Variants in PTPN2 observed in about 807,000 individuals in gnomAD.
PTPN2 encodes the protein protein tyrosine phosphatase non-receptor type 2.
A neutral mutation model predicts 57.3 loss-of-function variants in PTPN2; 19 were observed. That is an observed-to-expected ratio of 0.33 (90% confidence interval 0.23 to 0.49). The LOEUF (loss-of-function observed/expected upper bound fraction) is 0.49, where lower values mean the gene tolerates loss of function less well. Among genes scored for constraint, PTPN2 ranks in the 20% least tolerant of loss-of-function variants. The probability of loss-of-function intolerance (pLI) is 0.99; values close to 1 mark genes in which losing one functional copy is unlikely to be tolerated. For missense variants in PTPN2, 358 were observed against 501.1 expected (o/e 0.71, Z 2.73); for synonymous variants, 153 against 164.9 (o/e 0.93, Z 0.55).
intron 1 of PTPN2, among the ~76,000 whole-genome samples, chr18:12,865,804 C>A (rs1474821944): frequency 1.3e-5 from 2 of 151,240 alleles, no homozygotes; most frequent in Non-Finnish European, 3.0e-5. Context: ...TCCAGCCCCA[C>A]CCCACTCCCA....
intron 2 of PTPN2, among the ~76,000 whole-genome samples, chr18:12,840,199 A>C (rs2042996847): frequency 1.3e-5 from 2 of 152,208 alleles, no homozygotes; most frequent in South Asian, 2.1e-4. Context: ...TTCTCAACTA[A>C]GGGTAATCAG....
chr18:12,829,807 A>C (rs991348211), intron 4 of PTPN2, among the ~76,000 whole-genome samples: 5 of 152,326 alleles, frequency 3.3e-5, no homozygotes, highest in South Asian at 2.1e-4. Context: ...TGAATTAAGA[A>C]GCTGAACACT....
chr18:12,870,462 TAGAGAGAG>T (rs762120431), intron 1 of PTPN2, among the ~76,000 whole-genome samples: 26 of 17,698 alleles, frequency 1.5e-3, no homozygotes, highest in African/African-American at 8.8e-3. Context: ...TATATATATA[TAGAGAGAG>T]AGAGAGAGAG....
intron 5 of PTPN2, among the ~76,000 whole-genome samples, chr18:12,820,481 A>G (rs2042232833): frequency 6.6e-6 from 1 of 152,180 alleles, no homozygotes; most frequent in Admixed American, 6.5e-5. Context: ...AGGAAAAAAA[A>G]TGAGAGGGGA....
intron 1 of PTPN2, chr18:12,880,775 T>C (rs2044643189): frequency 6.6e-6 from 1 of 152,246 alleles, no homozygotes; most frequent in Admixed American, 6.5e-5. Flanking sequence ...AAACGCTCTG[T>C]ATCTTCCCTA....
chr18:12,881,440 A>G (rs180864832), intron 1 of PTPN2, among the ~76,000 whole-genome samples: 36 of 152,282 alleles, frequency 2.4e-4, no homozygotes, highest in Non-Finnish European at 5.9e-5. Flanking sequence ...CTGTCAAAAA[A>G]AAAAGAAGCA....
chr18:12,822,229 G>T lies in PTPN2; in HGVS notation c.495+3581C>A, dbSNP rs570181851. Among the ~76,000 whole-genome samples the T allele has an allele frequency of 1.9e-4, 29 of 152,192 alleles. No homozygotes were observed. The South Asian group carries it at 2.7e-3, about 14-fold the overall frequency. ...TTAAACTATTTTGAACCAAATCCCA[G>T]CTAAGCATCATAATAATTAGAGACT... On this transcript the variant is annotated intron_variant, in intron 5 of 8. Coordinates refer to ENST00000309660, the MANE Select transcript of PTPN2 (RefSeq NM_002828.4).
intron 1 of PTPN2, among the ~76,000 whole-genome samples, chr18:12,882,012 A>T (rs1380718442): frequency 1.3e-5 from 2 of 152,180 alleles, no homozygotes; most frequent in African/African-American, 4.8e-5. Context: ...GAGCACCTCG[A>T]GGGTAGGAAA....
At chr18:12,848,977 A>C (rs28876433) in intron 2 of PTPN2, among the ~76,000 whole-genome samples, 57 of 152,320 alleles carry the variant, frequency 3.7e-4, no homozygotes, top group African/African-American at 1.4e-3. Flanking sequence ...TACTGTACTA[A>C]CTAGGACCTA....
chr18:12,846,865 A>G (rs1477358839), intron 2 of PTPN2, among the ~76,000 whole-genome samples: 1 of 152,164 alleles, frequency 6.6e-6, no homozygotes, highest in Non-Finnish European at 1.5e-5. Flanking sequence ...TGCTAACCCA[A>G]TATTACAGGC....
At chr18:12,817,517 C>T in intron 5 of PTPN2, 152 bp from the exon 6 acceptor site, 2 of 656,710 alleles carry the variant, frequency 3.0e-6, no homozygotes, top group East Asian at 2.7e-5. Flanking sequence ...ATCCCATATA[C>T]AAACTAGGGA....
intron 2 of PTPN2, among the ~76,000 whole-genome samples, chr18:12,849,026 ATAAGTGGTAAGAATG>A (rs1371677547): frequency 3.3e-4 from 50 of 152,374 alleles, no homozygotes; most frequent in Admixed American, 2.8e-3. Context: ...AATGTTAAGT[ATAAGTGGTAAGAATG>A]AACACACTTA....
At chr18:12,818,058 C>T (rs1251926388) in intron 5 of PTPN2, among the ~76,000 whole-genome samples, 1 of 152,142 alleles carries the variant, frequency 6.6e-6, no homozygotes, top group South Asian at 2.1e-4. Context: ...AGGAGAATTG[C>T]TTGAACCTGG....
At chr18:12,864,571 TG>T (rs2043929258) in intron 1 of PTPN2, among the ~76,000 whole-genome samples, 1 of 152,066 alleles carries the variant, frequency 6.6e-6, no homozygotes, top group East Asian at 1.9e-4. Context: ...AATTTTTTTT[TG>T]TATTTTTAGT....
chr18:12,876,117 A>G (rs191878787), intron 1 of PTPN2, among the ~76,000 whole-genome samples: 1 of 152,160 alleles, frequency 6.6e-6, no homozygotes, highest in East Asian at 1.9e-4. Flanking sequence ...ACTGCACTCC[A>G]GTCTGGGTGA....
Position 12,785,778 on chromosome 18 carries a change from A to G in PTPN2, c.*45T>C, listed in dbSNP as rs74163637. ...GCTTCAGGTCTTGCTTTGCACATCA[A>G]TGGTTCAAAATTTATAGCTGCAGAA... On this transcript the variant is annotated 3_prime_UTR_variant, in exon 10 of 10. Coordinates refer to the PTPN2 transcript ENST00000327283. 645 of 1,590,344 alleles carry G rather than the reference A, an allele frequency of 4.1e-4. 10 individuals are homozygous for G. The South Asian group carries it at 5.8e-3, about 14-fold the overall frequency.
chr18:12,846,304 C>T (rs181276490), intron 2 of PTPN2, among the ~76,000 whole-genome samples: 18 of 152,248 alleles, frequency 1.2e-4, no homozygotes, highest in Admixed American at 1.2e-3. Flanking sequence ...TATGTAAATA[C>T]CTTGTTCTTC....
chr18:12,862,921 T>C (rs202102858), intron 1 of PTPN2, among the ~76,000 whole-genome samples: 3 of 116,850 alleles, frequency 2.6e-5, no homozygotes, highest in East Asian at 2.5e-4. Context: ...GTCTGTAATA[T>C]ACGCAGCAAA....
Position 12,793,814 on chromosome 18 carries a change from GTGT to G in PTPN2, c.*461_*463del. The G allele has an allele frequency of 1.1e-6, 1 of 948,090 alleles. No individual in the cohort carries two copies. Among genetic ancestry groups the G allele is most frequent in the African/African-American group, 1.8e-5 (1 of 56,328 alleles). The allele number at this position is 948,090 out of a possible 1,614,324, so 58.7% of individuals were successfully genotyped here. The stretch of plus-strand genomic sequence containing the variant: ...TACCCTGAAATGCTTAAGAATAAAA[GTGT>G]TGATGCCCATGTCAATAGTACATTA... On this transcript the variant is annotated 3_prime_UTR_variant, in exon 9 of 9. Transcript: ENST00000309660.
Sources: allele counts gnomAD v4.1 joint callset (sites outside exome capture counted in the v4.1 genomes callset), GRCh38; gene constraint gnomAD v4.1.1; transcripts MANE v1.5; gene names NCBI Gene and HGNC (gene_info 2026-07-23, HGNC 2026-07-21).